Variants in ADA2 observed in about 807,000 individuals in gnomAD.
The protein encoded by ADA2 is adenosine deaminase 2.
A neutral mutation model predicts 44.2 loss-of-function variants in ADA2; 29 were observed. The ratio of observed to expected loss-of-function variants is 0.66; its 90% CI spans 0.49 to 0.89. The LOEUF is 0.89. Ranked by LOEUF, ADA2 falls within the 40% of genes least tolerant of loss-of-function variation. The pLI is 0.00. For synonymous variants in ADA2, 215 were observed against 234.9 expected, an observed-to-expected ratio of 0.92 and a Z score of 0.77; for missense variants, 637 against 644.8, an observed-to-expected ratio of 0.99 and a Z score of 0.13.
At chr22:17,182,975 T>A (rs2061991153) in intron 7 of ADA2, among the ~76,000 whole-genome samples, 1 of 152,222 alleles carries the variant, frequency 6.6e-6, no homozygotes, top group Non-Finnish European at 1.5e-5. Context: ...ATTAAATTAA[T>A]CATCTAATTT....
intron 1 of ADA2, among the ~76,000 whole-genome samples, chr22:17,212,941 C>T (rs1467890788): frequency 3.5e-5 from 5 of 141,340 alleles, no homozygotes; most frequent in Middle Eastern, 3.3e-3. Context: ...AGTGTAGTAC[C>T]ACTACACTCA....
chr22:17,213,706 A>G, intron 1 of ADA2: 1 of 248,512 alleles, frequency 4.0e-6, no homozygotes, highest in Non-Finnish European at 8.2e-6. Flanking sequence ...GCAGCCTTTG[A>G]GAAAATGCAG....
At chr22:17,218,573 T>C (rs1310776162) in intron 1 of ADA2, among the ~76,000 whole-genome samples, 1 of 151,992 alleles carries the variant, frequency 6.6e-6, no homozygotes, top group African/African-American at 2.4e-5. Flanking sequence ...CTTGTCCCTG[T>C]CTCCCTGGTG....
chr22:17,214,617 C>T lies in ADA2; in HGVS notation c.-47+4739G>A, dbSNP rs115338943. Among the ~76,000 whole-genome samples the T allele has an allele frequency of 5.3e-3, 800 of 152,316 alleles. 4 individuals carry two copies. The highest frequency in any genetic ancestry group is 0.018 in the African/African-American group (763 of 41,574). ...GGGTGCCCCTCCAAGCTTCCTCTAGCTTGGGGCCTATGCTGGTCCTGCAGG... is the reference window on the plus strand; with the variant it reads ...GGGTGCCCCTCCAAGCTTCCTCTAGTTTGGGGCCTATGCTGGTCCTGCAGG... On this transcript the variant is annotated intron_variant, in intron 1 of 9. Coordinates refer to ENST00000399837, the MANE Select transcript of ADA2 (RefSeq NM_001282225.2).
chr22:17,208,423 CA>C (rs1265041053), intron 2 of ADA2, among the ~76,000 whole-genome samples: 25 of 69,576 alleles, frequency 3.6e-4, no homozygotes, highest in East Asian at 9.2e-4. Context: ...GACTCCGTCT[CA>C]AAAAAAAAAA....
chr22:17,195,537 A>C (rs996465261), intron 4 of ADA2, among the ~76,000 whole-genome samples: 1 of 151,210 alleles, frequency 6.6e-6, no homozygotes, highest in African/African-American at 2.4e-5. Context: ...TCAAAAAAAA[A>C]CAAAACAAAA....
chr22:17,181,997 C>A lies in ADA2; in HGVS notation c.1265G>T (p.Arg422Met), dbSNP rs1460292639. 3.7e-6 allele frequency: 6 copies of A among 1,613,826 alleles called. No homozygotes were observed. Among genetic ancestry groups the A allele is most frequent in the Non-Finnish European group, 5.1e-6 (6 of 1,179,940 alleles). ...NQVLKLVSDL[R>M]NHPVATLMAT... ...CATCAGAGTGGCTACAGGGTGGTTCCTCAAGTCAGACACCAGTTTCAGCAC... is the reference window on the plus strand; with the variant it reads ...CATCAGAGTGGCTACAGGGTGGTTCATCAAGTCAGACACCAGTTTCAGCAC... The change falls in exon 9 of 10, where the codon AGG (arginine) becomes ATG (methionine). Residue 422 changes from arginine to methionine, a missense_variant. By Grantham distance (91) the Arg-to-Met change is moderately conservative (BLOSUM62 -1). Coordinates refer to ENST00000399837, the MANE Select transcript of ADA2 (RefSeq NM_001282225.2).
chr22:17,219,736 G>A (rs1457891958), upstream of ADA2, among the ~76,000 whole-genome samples: 13 of 140,378 alleles, frequency 9.3e-5, no homozygotes, highest in South Asian at 7.4e-4. Context: ...GTGCAATGGC[G>A]CAATCTCAGC....
rs1206355198 is a variant in ADA2 at position 17,182,030 on chromosome 22, A to G, written c.1240-8T>C. On this transcript the variant is annotated splice_polypyrimidine_tract_variant and splice_region_variant and intron_variant, in intron 8 of 9. Coordinates refer to ENST00000399837, the MANE Select transcript of ADA2 (RefSeq NM_001282225.2). ...AGACACCAGTTTCAGCACCTGCGCA[A>G]TAGGAGGGAAGGGAGAAAGATGAAC... The G allele has an allele frequency of 6.2e-7, 1 of 1,608,662 alleles. No individual in the cohort carries two copies. The highest frequency in any genetic ancestry group is 1.7e-5 in the Admixed American group (1 of 59,780).
intron 2 of ADA2, among the ~76,000 whole-genome samples, chr22:17,208,838 A>ATTTTTTTTTTT (rs796662081): frequency 4.2e-5 from 6 of 143,002 alleles, no homozygotes; most frequent in African/African-American, 7.9e-5. Flanking sequence ...AAAAATTAAC[A>ATTTTTTTTTTT]TTTTTTGGGG....
At chr22:17,190,763 C>G (rs2062104997) in intron 5 of ADA2, among the ~76,000 whole-genome samples, 1 of 152,262 alleles carries the variant, frequency 6.6e-6, no homozygotes, top group Admixed American at 6.5e-5. Flanking sequence ...CCTCCTGCCA[C>G]TGGCCCTGGG....
intron 2 of ADA2, 136 bp downstream of exon 2, chr22:17,209,220 G>T: frequency 1.3e-6 from 1 of 747,788 alleles, no homozygotes. Flanking sequence ...CTACCCATAA[G>T]GACAGAGGAG....
chr22:17,197,766 C>T (rs755204632), intron 4 of ADA2, among the ~76,000 whole-genome samples: 3 of 152,144 alleles, frequency 2.0e-5, no homozygotes, highest in Non-Finnish European at 2.9e-5. Flanking sequence ...AGGCTGAGCA[C>T]GGTGGCTCAC....
At chr22:17,211,088 G>A (rs1390570693) in intron 1 of ADA2, among the ~76,000 whole-genome samples, 4 of 151,920 alleles carry the variant, frequency 2.6e-5, no homozygotes, top group South Asian at 2.1e-4. Flanking sequence ...ACGGCTGGGC[G>A]CGGTGGCTCA....
At position 17,179,171 on chromosome 22, in the gene ADA2, G is replaced by A. The variant is rs565830408; in HGVS notation, c.*2312C>T. 1 of 152,430 alleles carries A rather than the reference G, an allele frequency of 6.6e-6. No individual in the cohort carries two copies. The highest frequency in any genetic ancestry group is 2.4e-5 in the African/African-American group (1 of 41,542). The allele number at this position is 152,430 out of a possible 1,614,324, so 9.4% of individuals were successfully genotyped here. ...CCTTGAGTTGGGTGAGGACAGAGGT[G>A]GCTTCTTGCATCCTTCTTCCAAGGC... On this transcript the variant is annotated 3_prime_UTR_variant, in exon 10 of 10. Coordinates refer to ENST00000399837, the MANE Select transcript of ADA2 (RefSeq NM_001282225.2).
At chr22:17,181,626 A>G in intron 9 of ADA2, 50 bp from the exon 10 acceptor site, 1 of 1,350,300 alleles carries the variant, frequency 7.4e-7, no homozygotes, top group Non-Finnish European at 1.1e-6. Context: ...GGGTTGGGGA[A>G]CGGGGCAGGG....
At chr22:17,202,646 G>A (rs1247346312) in intron 4 of ADA2, among the ~76,000 whole-genome samples, 2 of 152,062 alleles carry the variant, frequency 1.3e-5, no homozygotes, top group Non-Finnish European at 2.9e-5. Context: ...GAAACCTGTG[G>A]CCCCTGTGGT....
At chr22:17,206,775 C>T (rs1013304136) in intron 3 of ADA2, among the ~76,000 whole-genome samples, 3 of 152,164 alleles carry the variant, frequency 2.0e-5, no homozygotes, top group African/African-American at 7.2e-5. Context: ...CCTCCTGCCT[C>T]AGCCTCCCAA....
At chr22:17,202,027 A>G (rs1230998089) in intron 4 of ADA2, among the ~76,000 whole-genome samples, 1 of 137,354 alleles carries the variant, frequency 7.3e-6, no homozygotes, top group Non-Finnish European at 1.5e-5. Context: ...GCTGAAGAGC[A>G]ATGGCGGTAT....
Sources: allele counts gnomAD v4.1 joint callset (sites outside exome capture counted in the v4.1 genomes callset), GRCh38; gene constraint gnomAD v4.1.1; transcripts MANE v1.5; gene names NCBI Gene and HGNC (gene_info 2026-07-23, HGNC 2026-07-21).